Variants in PGR observed in about 807,000 individuals in gnomAD.
The protein encoded by PGR is nuclear receptor subfamily 3 group C member 3.
In PGR, 25 loss-of-function variants were observed where a neutral mutation model predicts 76.1. The ratio of observed to expected loss-of-function variants is 0.33; its 90% CI spans 0.24 to 0.46. PGR has a LOEUF of 0.46. Ranked by LOEUF, PGR falls within the 20% of genes least tolerant of loss-of-function variation. The pLI is 1.00. For missense variants in PGR, 1,172 were observed against 1,225.3 expected, an observed-to-expected ratio of 0.96 and a Z score of 0.65; for synonymous variants, 579 against 535.0, an observed-to-expected ratio of 1.08 and a Z score of -1.14.
intron 4 of PGR, among the ~76,000 whole-genome samples, chr11:101,056,078 T>G (rs1399609587): frequency 6.6e-6 from 1 of 152,184 alleles, no homozygotes; most frequent in Non-Finnish European, 1.5e-5. Context: ...TGTAATATCA[T>G]TCATTACTTT....
intron 6 of PGR, among the ~76,000 whole-genome samples, chr11:101,047,701 T>C (rs903826824): frequency 6.6e-6 from 1 of 152,126 alleles, no homozygotes; most frequent in Non-Finnish European, 1.5e-5. Flanking sequence ...TCCCTGTGGT[T>C]GTCATAGAAA....
rs548124583 is a variant in PGR, at chr11:101,091,993, G to A, written c.1790-117C>T. The A allele has an allele frequency of 2.0e-5, 14 of 697,782 alleles. No individual in the cohort carries two copies. In the East Asian group the frequency reaches 3.8e-4, roughly 19 times the overall value. 43.2% of individuals were successfully genotyped at this position (697,782 alleles called of 1,614,324 possible). On this transcript the variant is annotated intron_variant, in intron 2 of 7. Coordinates refer to ENST00000325455, the MANE Select transcript of PGR (RefSeq NM_000926.4). ...CATCAGCAAGTGCATGACTCAGCCA[G>A]CTTCCTGCCTGGCACAGCTGAATGT...
chr11:101,111,951 G>C (rs1193510841), intron 2 of PGR, among the ~76,000 whole-genome samples: 1 of 152,180 alleles, frequency 6.6e-6, no homozygotes, highest in African/African-American at 2.4e-5. Flanking sequence ...TAAAGGAGAA[G>C]AACAGTTTGA....
chr11:101,119,574 C>T (rs987581637), intron 2 of PGR, among the ~76,000 whole-genome samples: 4 of 152,054 alleles, frequency 2.6e-5, no homozygotes, highest in Non-Finnish European at 4.4e-5. Context: ...AGGAGTCACT[C>T]GAATAAATAC....
intron 2 of PGR, among the ~76,000 whole-genome samples, chr11:101,119,031 T>C (rs1390819690): frequency 7.2e-5 from 11 of 152,206 alleles, no homozygotes; most frequent in Admixed American, 7.2e-4. Context: ...CCACAGATCA[T>C]CAGGTATTAG....
chr11:101,106,370 T>G (rs1261516339), intron 2 of PGR, among the ~76,000 whole-genome samples: 1 of 151,908 alleles, frequency 6.6e-6, no homozygotes, highest in Admixed American at 6.6e-5. Flanking sequence ...GGAACTTAAA[T>G]TTACAAGGAA....
rs1040786377 is a variant in PGR at position 101,077,232 on chromosome 11, C to T, written c.1907-14480G>A. On this transcript the variant is annotated intron_variant, in intron 3 of 7. Coordinates refer to ENST00000325455, the MANE Select transcript of PGR (RefSeq NM_000926.4). ...TTATGGAAGGATGTCTAGAGGCATG[C>T]TTCTACTTCAGATTACCAAAATGAT... Among the ~76,000 whole-genome samples the T allele has an allele frequency of 6.6e-5, 10 of 152,082 alleles. No individual in the cohort carries two copies. The East Asian group carries it at 1.9e-3, about 29-fold the overall frequency.
At chr11:101,110,372 G>C (rs976891273) in intron 2 of PGR, among the ~76,000 whole-genome samples, 1 of 152,154 alleles carries the variant, frequency 6.6e-6, no homozygotes, top group Non-Finnish European at 1.5e-5. Flanking sequence ...ACAGCAGTTT[G>C]GAAGAAGTTG....
intron 2 of PGR, among the ~76,000 whole-genome samples, chr11:101,107,335 C>T (rs546321671): frequency 1.3e-5 from 2 of 152,202 alleles, no homozygotes; most frequent in South Asian, 4.2e-4. Flanking sequence ...CTGTTCTGCT[C>T]CTCTCTTTCT....
intron 4 of PGR, among the ~76,000 whole-genome samples, chr11:101,058,734 C>T (rs1356926259): frequency 3.3e-5 from 5 of 152,102 alleles, no homozygotes; most frequent in Non-Finnish European, 7.4e-5. Context: ...AAGGTGACAC[C>T]GAATTGTGAA....
chr11:101,129,035 G>T lies in PGR; in HGVS notation c.36C>A (p.Pro12=). Residue 12 remains proline, a synonymous_variant, in exon 1 of 8, where the codon CCC becomes CCA. Coordinates refer to ENST00000325455, the MANE Select transcript of PGR (RefSeq NM_000926.4). ...TELKAKGPRA[P]HVAGGPPSPE... ...GGGAGGGCGGGCCGCCCGCCACGTGGGGAGCCCGGGGACCCTTTGCCTTCA... is the reference window on the plus strand; with the variant it reads ...GGGAGGGCGGGCCGCCCGCCACGTGTGGAGCCCGGGGACCCTTTGCCTTCA... The T allele has an allele frequency of 6.4e-7, 1 of 1,563,768 alleles. No individual in the cohort carries two copies. The highest frequency in any genetic ancestry group is 2.3e-5 in the East Asian group (1 of 43,002).
rs1859418414 is a variant in PGR, at chr11:101,033,615, A to G, written c.*5501T>C. 5.0e-6 allele frequency: 1 copy of G among 199,106 alleles called. No individual in the cohort carries two copies. Among genetic ancestry groups the G allele is most frequent in the Non-Finnish European group, 1.0e-5 (1 of 96,274 alleles). The allele number at this position is 199,106 out of a possible 1,614,324, so 12.3% of individuals were successfully genotyped here. On this transcript the variant is annotated 3_prime_UTR_variant, in exon 8 of 8. Transcript: ENST00000325455. ...TTGATATGTCTTTGAATAACAAAACATTAAGAAAACACAATAACTATTTCT... is the reference window on the plus strand; with the variant it reads ...TTGATATGTCTTTGAATAACAAAACGTTAAGAAAACACAATAACTATTTCT...
At chr11:101,041,356 C>T (rs1014554771) in intron 7 of PGR, among the ~76,000 whole-genome samples, 1 of 152,064 alleles carries the variant, frequency 6.6e-6, no homozygotes, top group South Asian at 2.1e-4. Context: ...TCTTGACAAA[C>T]CACAGATATC....
Position 101,039,063 on chromosome 11 carries a change from A to G in PGR, c.*53T>C. 1 of 1,480,432 alleles carries G rather than the reference A, an allele frequency of 6.8e-7. No homozygotes were observed. Among genetic ancestry groups the G allele is most frequent in the Non-Finnish European group, 9.4e-7 (1 of 1,061,588 alleles). 91.7% of individuals were successfully genotyped at this position (1,480,432 alleles called of 1,614,324 possible). A position where few individuals can be genotyped will look rare whatever the true frequency, so the allele number is the denominator to read the frequency against. On this transcript the variant is annotated 3_prime_UTR_variant, in exon 8 of 8. Transcript: ENST00000325455. ...AACTCAAGACCTCATAATCCTGACC[A>G]AAACAAAAAGACATACCACAAAATT...
intron 2 of PGR, among the ~76,000 whole-genome samples, chr11:101,095,151 T>A (rs1420324352): frequency 6.6e-6 from 1 of 152,246 alleles, no homozygotes; most frequent in African/African-American, 2.4e-5. Flanking sequence ...TGGTATTTAA[T>A]ATCTATTTGT....
intron 2 of PGR, among the ~76,000 whole-genome samples, chr11:101,107,657 G>A (rs1862206814): frequency 1.3e-5 from 2 of 152,028 alleles, no homozygotes; most frequent in South Asian, 4.1e-4. Flanking sequence ...CTCTGATGTA[G>A]GATTATAACA....
chr11:101,115,605 C>G (rs1331941981), intron 2 of PGR, among the ~76,000 whole-genome samples: 1 of 152,054 alleles, frequency 6.6e-6, no homozygotes, highest in Non-Finnish European at 1.5e-5. Flanking sequence ...AACCCCATCT[C>G]TACTAAAACT....
At chr11:101,071,239 T>C (rs924958739) in intron 3 of PGR, among the ~76,000 whole-genome samples, 17 of 152,166 alleles carry the variant, frequency 1.1e-4, no homozygotes, top group African/African-American at 4.1e-4. Context: ...GGGGCCTGAC[T>C]GTTAGAAGGA....
chr11:101,089,828 C>A (rs979303502), intron 3 of PGR, among the ~76,000 whole-genome samples: 2 of 152,092 alleles, frequency 1.3e-5, no homozygotes, highest in Admixed American at 1.3e-4. Flanking sequence ...TAGAATATGG[C>A]TTGGGAAGCA....
Sources: allele counts gnomAD v4.1 joint callset (sites outside exome capture counted in the v4.1 genomes callset), GRCh38; gene constraint gnomAD v4.1.1; transcripts MANE v1.5; gene names NCBI Gene and HGNC (gene_info 2026-07-23, HGNC 2026-07-21).